The following DOCK7 variants were observed in gnomAD, a reference collection of about 807,000 sequenced individuals.
DOCK7 encodes the protein dedicator of cytokinesis 7.
DOCK7 carries 138 observed loss-of-function variants against 271.0 expected under a neutral mutation model. The observed-to-expected ratio is 0.51, with a 90% confidence interval of 0.44 to 0.59. DOCK7 has a LOEUF of 0.59. Among genes scored for constraint, DOCK7 ranks in the 20% least tolerant of loss-of-function variants. The pLI is 0.00. For synonymous variants in DOCK7, 823 were observed against 876.1 expected (o/e 0.94, Z 1.07); for missense variants, 2,066 against 2,592.4 (o/e 0.80, Z 4.41).
intron 14 of DOCK7, among the ~76,000 whole-genome samples, chr1:62,616,221 C>T (rs573988270): frequency 2.6e-5 from 4 of 151,782 alleles, no homozygotes; most frequent in South Asian, 2.1e-4. Context: ...TTATTTGGCA[C>T]GGTATCTTCT....
intron 41 of DOCK7, among the ~76,000 whole-genome samples, chr1:62,491,300 T>C (rs144730086): frequency 3.4e-3 from 513 of 152,326 alleles, no homozygotes; most frequent in African/African-American, 0.011. Context: ...CAGCATTGCA[T>C]ATTACCTCAA....
chr1:62,535,407 A>C (rs984049149), intron 29 of DOCK7, 86 bp downstream of exon 29: 2 of 1,162,172 alleles, frequency 1.7e-6, no homozygotes, highest in African/African-American at 3.1e-5. Flanking sequence ...TTATTCTCCT[A>C]ATCCTCAGGA....
At chr1:62,667,694 G>T (rs1659475605) in intron 1 of DOCK7, among the ~76,000 whole-genome samples, 1 of 152,104 alleles carries the variant, frequency 6.6e-6, no homozygotes, top group Admixed American at 6.5e-5. Flanking sequence ...TCCAGCCTAG[G>T]TGACACAGAG....
At chr1:62,601,341 C>A in intron 14 of DOCK7, 1 of 650,948 alleles carries the variant, frequency 1.5e-6, no homozygotes, top group Non-Finnish European at 2.8e-6. Context: ...GTTCTTTTTA[C>A]ACCCTATAAA....
chr1:62,594,468 A>C (rs1045300615), intron 14 of DOCK7, among the ~76,000 whole-genome samples: 1 of 152,118 alleles, frequency 6.6e-6, no homozygotes, highest in African/African-American at 2.4e-5. Context: ...GAAATTGCAC[A>C]AATTTTGCAA....
chr1:62,620,725 C>CA (rs975878477), intron 12 of DOCK7, among the ~76,000 whole-genome samples: 48 of 149,682 alleles, frequency 3.2e-4, no homozygotes, highest in African/African-American at 9.8e-4. Flanking sequence ...CTAAAAAATA[C>CA]AAAAAAAAAT....
In DOCK7 at chr1:62,586,503, T is replaced by C; in HGVS notation, c.1800+4A>G. On this transcript the variant is annotated splice_donor_region_variant and intron_variant, in intron 15 of 49. Coordinates refer to ENST00000635253, the MANE Select transcript of DOCK7 (RefSeq NM_001367561.1). ...AATTAGAAAAGTAAAAGAACATTTC[T>C]TACCGGCATGGCATTGCTTGGATCC... The C allele has an allele frequency of 1.3e-6, 2 of 1,578,302 alleles. No individual in the cohort carries two copies. The highest frequency in any genetic ancestry group is 1.7e-6 in the Non-Finnish European group (2 of 1,156,964).
rs1157369743 is a variant in DOCK7 at position 62,528,321 on chromosome 1, C to G, written c.3782-16G>C. ...TTGTGAGTTTCTAAAGAAAAATAAT[C>G]CAAAAAAATAAATAAAACTGTTTAG... is the stretch of plus-strand genomic sequence containing the variant. On this transcript the variant is annotated splice_polypyrimidine_tract_variant and intron_variant, in intron 30 of 49. Coordinates refer to ENST00000635253, the MANE Select transcript of DOCK7 (RefSeq NM_001367561.1). The G allele has an allele frequency of 1.3e-6, 2 of 1,594,850 alleles. No homozygotes were observed. The highest frequency in any genetic ancestry group is 1.7e-6 in the Non-Finnish European group (2 of 1,169,816).
chr1:62,648,362 T>TG (rs1656932132), intron 5 of DOCK7, 44 bp from the exon 6 acceptor site: 1 of 1,426,270 alleles, frequency 7.0e-7, no homozygotes, highest in African/African-American at 1.5e-5. Context: ...ATTAATAAAT[T>TG]GACAACTATT....
chr1:62,469,624 G>C (rs906851279), intron 48 of DOCK7, among the ~76,000 whole-genome samples: 3 of 152,152 alleles, frequency 2.0e-5, no homozygotes, highest in African/African-American at 7.2e-5. Flanking sequence ...AGAGTAAACA[G>C]ACAACCCACA....
chr1:62,489,877 G>A (rs1571270585), intron 41 of DOCK7, among the ~76,000 whole-genome samples: 3 of 152,010 alleles, frequency 2.0e-5, no homozygotes, highest in Admixed American at 6.6e-5. Flanking sequence ...TTAAGCTGAC[G>A]AAGGCAATCT....
chr1:62,660,645 A>G (rs1033677690), intron 2 of DOCK7, among the ~76,000 whole-genome samples: 4 of 152,232 alleles, frequency 2.6e-5, no homozygotes, highest in African/African-American at 9.6e-5. Context: ...TATATACCCA[A>G]AAGAACTGAA....
In DOCK7 at chr1:62,456,786, A is replaced by T. The variant is rs370325996; in HGVS notation, c.6380+752T>A. On this transcript the variant is annotated intron_variant, in intron 49 of 49. Transcript: ENST00000635253. Reference sequence around the variant, plus strand: ...CTCTGGGATCTCTGACCTGGTGGGTATAAGACTGGGAGAGGGGGAGTGGAA... The same window carrying T: ...CTCTGGGATCTCTGACCTGGTGGGTTTAAGACTGGGAGAGGGGGAGTGGAA... Among the ~76,000 whole-genome samples the T allele has an allele frequency of 8.7e-4, 132 of 152,216 alleles. 1 individual carries two copies. Among genetic ancestry groups the T allele is most frequent in the African/African-American group, 3.0e-3 (125 of 41,546 alleles).
Position 62,561,683 on chromosome 1 carries a change from T to C in DOCK7, c.2133A>G (p.Lys711=). Residue 711 remains lysine, a synonymous_variant, in exon 19 of 50, where the codon AAA becomes AAG. Transcript: ENST00000635253. The stretch of plus-strand genomic sequence containing the variant: ...AAACACCTTTGTGATTATCTACCCA[T>C]TTCATGCCAGGTAGAGGAACCTGTA... ...LSPEVPLPGM[K]WVDNHKGVFN... is the part of the protein sequence containing the mutation. The C allele has an allele frequency of 1.9e-6, 3 of 1,578,076 alleles. No homozygotes were observed. The highest frequency in any genetic ancestry group is 2.6e-6 in the Non-Finnish European group (3 of 1,166,856).
intron 31 of DOCK7, among the ~76,000 whole-genome samples, chr1:62,517,952 T>C (rs1332153597): frequency 6.6e-6 from 1 of 152,072 alleles, no homozygotes; most frequent in African/African-American, 2.4e-5. Context: ...CAAACTTCCT[T>C]TGAGAAGAGA....
intron 34 of DOCK7, among the ~76,000 whole-genome samples, chr1:62,509,769 T>C (rs1053091585): frequency 1.3e-5 from 2 of 152,200 alleles, no homozygotes; most frequent in African/African-American, 4.8e-5. Context: ...ATGATTTTAC[T>C]GTCTGTGAGA....
Position 62,539,535 on chromosome 1 carries a change from T to C in DOCK7, c.3300+10A>G. On this transcript the variant is annotated intron_variant, in intron 27 of 49. Coordinates refer to ENST00000635253, the MANE Select transcript of DOCK7 (RefSeq NM_001367561.1). ...TATTTGATTACTAATTATTCCTAAC[T>C]ATGCATTACCTGTTTATAGCAGGAC... The C allele has an allele frequency of 1.9e-6, 3 of 1,572,630 alleles. No individual in the cohort carries two copies. Among genetic ancestry groups the C allele is most frequent in the South Asian group, 2.3e-5 (2 of 85,982 alleles).
At chr1:62,602,471 T>A in intron 14 of DOCK7, 1 of 1,130,952 alleles carries the variant, frequency 8.8e-7, no homozygotes, top group Non-Finnish European at 1.3e-6. Flanking sequence ...GGAAAAGTAG[T>A]AACGAACGAG....
At chr1:62,620,171 A>C (rs1652979442) in intron 12 of DOCK7, among the ~76,000 whole-genome samples, 178 bp from the exon 13 acceptor site, 1 of 151,914 alleles carries the variant, frequency 6.6e-6, no homozygotes, top group South Asian at 2.1e-4. Context: ...AATACAAAAA[A>C]AATTAGCCAG....
Sources: gnomAD v4.1 joint callset for allele counts (sites outside exome capture counted in the v4.1 genomes callset) on GRCh38, gnomAD v4.1.1 for gene constraint, MANE v1.5 for transcripts, NCBI Gene and HGNC (gene_info 2026-07-23, HGNC 2026-07-21) for gene names.